Variants in IQSEC1 observed in about 807,000 individuals in gnomAD.
IQSEC1 encodes IQ motif and SEC7 domain-containing protein 1.
A neutral mutation model predicts 91.0 loss-of-function variants in IQSEC1; 31 were observed. The ratio of observed to expected loss-of-function variants is 0.34; its 90% CI spans 0.26 to 0.46. IQSEC1 has a LOEUF of 0.46. IQSEC1 is among the 20% of genes least tolerant of loss of function. The pLI is 1.00. For missense variants in IQSEC1, 1,388 were observed against 1,575.6 expected (o/e 0.88, Z 2.02); for synonymous variants, 699 against 662.6 (o/e 1.05, Z -0.84).
exon 2 of IQSEC1, among the ~76,000 whole-genome samples, chr3:13,164,127 T>C (rs185021017): frequency 6.6e-6 from 1 of 152,144 alleles, no homozygotes; most frequent in African/African-American, 2.4e-5. Flanking sequence ...AGCTTTCTCC[T>C]TCAGACCTGC....
chr3:12,923,570 GC>G (rs1358713130), intron 4 of IQSEC1, among the ~76,000 whole-genome samples: 21 of 152,342 alleles, frequency 1.4e-4, no homozygotes, highest in Middle Eastern at 3.4e-3. Flanking sequence ...CTACATGAGT[GC>G]CGTGTATGTG....
At chr3:12,973,883 C>T (rs1186333187) in intron 1 of IQSEC1, among the ~76,000 whole-genome samples, 2 of 152,132 alleles carry the variant, frequency 1.3e-5, no homozygotes, top group Admixed American at 1.3e-4. Context: ...GGGACACATC[C>T]AAGAACTGGT....
intron 1 of IQSEC1, among the ~76,000 whole-genome samples, chr3:13,191,545 G>A (rs975915663): frequency 4.4e-5 from 6 of 136,792 alleles, no homozygotes; most frequent in Middle Eastern, 4.8e-3. Context: ...CCATGTTGCC[G>A]AGGCTGGCCT....
intron 1 of IQSEC1, among the ~76,000 whole-genome samples, chr3:13,258,644 C>A (rs558630944): frequency 6.6e-6 from 1 of 152,080 alleles, no homozygotes; most frequent in East Asian, 1.9e-4. Context: ...TATGATTGTG[C>A]CACTGCAATC....
chr3:12,907,341 C>T (rs1695088084), intron 12 of IQSEC1, among the ~76,000 whole-genome samples: 1 of 152,136 alleles, frequency 6.6e-6, no homozygotes, highest in Non-Finnish European at 1.5e-5. Flanking sequence ...GGGAGGGAGT[C>T]CTAAGGTGGG....
chr3:13,129,505 G>A (rs567218639), intron 2 of IQSEC1, among the ~76,000 whole-genome samples: 14 of 151,926 alleles, frequency 9.2e-5, no homozygotes, highest in Admixed American at 1.3e-4. Flanking sequence ...ATTTTTCTTC[G>A]TCCTTTGGGT....
At chr3:13,180,557 T>G (rs1469054125) in intron 1 of IQSEC1, among the ~76,000 whole-genome samples, 1 of 152,114 alleles carries the variant, frequency 6.6e-6, no homozygotes, top group Non-Finnish European at 1.5e-5. Flanking sequence ...GAGCCAGCAG[T>G]GGCAACCCGC....
Position 12,901,225 on chromosome 3 carries a change from G to T in IQSEC1, c.3103C>A (p.Gln1035Lys). ...TGATGGTGGTACGGGGGAGGGTTCT[G>T]CATGTGGCAGTACTGGGTGTGATGC... ...HGHHTQYCHMQNPPPYHHHHH... is the reference protein window; with the variant it reads ...HGHHTQYCHMKNPPPYHHHHH... The change falls in exon 14 of 14, where the codon CAG becomes AAG. Residue 1035 changes from glutamine (Q) to lysine (K), a missense_variant. By Grantham distance (53) the Gln-to-Lys change is moderately conservative. Around this residue, in one of 2 missense-constraint regions of IQSEC1, gnomAD observed 329 missense variants for 257.8 expected, o/e 1.28. Coordinates refer to ENST00000613206, the MANE Select transcript of IQSEC1 (RefSeq NM_001134382.3). 6.5e-7 allele frequency: 1 copy of T among 1,548,354 alleles called. No individual in the cohort carries two copies. Among genetic ancestry groups the T allele is most frequent in the Non-Finnish European group, 8.7e-7 (1 of 1,146,192 alleles).
In IQSEC1 at chr3:12,908,365, C is replaced by G. The variant is rs1021026844; in HGVS notation, c.2739G>C (p.Arg913=). The change falls in exon 12 of 14, where the codon CGG becomes CGC. Residue 913 remains arginine (R), a synonymous_variant. Transcript: ENST00000613206. The surrounding 1 kb of genome is among the most constrained non-coding windows in gnomAD (Gnocchi z 4.9). ...AGCTCTTACCGGCTTCCGAGAGGTCCCGCAGGGAGCTGCTGAGGGCGCTGC... is the reference window on the plus strand; with the variant it reads ...AGCTCTTACCGGCTTCCGAGAGGTCGCGCAGGGAGCTGCTGAGGGCGCTGC... ...LKRSALSSSL[R]DLSEAGKRGR... The G allele has an allele frequency of 6.8e-6, 11 of 1,611,832 alleles. No homozygotes were observed. Among genetic ancestry groups the G allele is most frequent in the Non-Finnish European group, 8.5e-6 (10 of 1,180,020 alleles).
intron 2 of IQSEC1, among the ~76,000 whole-genome samples, chr3:13,092,109 G>A (rs372208992): frequency 4.5e-4 from 69 of 152,228 alleles, no homozygotes; most frequent in African/African-American, 1.6e-3. Context: ...GCCCTGCACT[G>A]TGCAGGGTCA....
rs538126216 is a variant in IQSEC1 at position 13,219,241 on chromosome 3, T to G, written c.273-55108A>C. Among the ~76,000 whole-genome samples, 19 of 152,290 alleles carry G rather than the reference T, an allele frequency of 1.2e-4. No homozygotes were observed. The South Asian group carries it at 3.9e-3, about 32-fold the overall frequency. On this transcript the variant is annotated intron_variant, in intron 1 of 15. Coordinates refer to the IQSEC1 transcript ENST00000648114. ...CATGCTTCCCCAGAGACAGGCTGCA[T>G]GGTGCTCCTGACACCTGCTCCCAAG...
chr3:13,059,617 T>C (rs1462903845), intron 1 of IQSEC1, among the ~76,000 whole-genome samples: 1 of 151,886 alleles, frequency 6.6e-6, no homozygotes, highest in African/African-American at 2.4e-5. Context: ...GCCAGTGTGG[T>C]GGTGGGTGCC....
Position 12,901,069 on chromosome 3 carries a change from T to G in IQSEC1, c.3259A>C (p.Thr1087Pro). 1 of 1,539,966 alleles carries G rather than the reference T, an allele frequency of 6.5e-7. No homozygotes were observed. The highest frequency in any genetic ancestry group is 8.7e-7 in the Non-Finnish European group (1 of 1,145,000). ...GGGGGCTGCCCATGGTGGTGCACTG[T>G]GTGCCCCACGTGGGCCGAGGGCAGC... Reference protein sequence around the residue: ...PPLPSAHVGHTVHHHGQPPAP... With the variant: ...PPLPSAHVGHPVHHHGQPPAP... Residue 1087 changes from threonine to proline, a missense_variant, in exon 14 of 14, where the codon ACA becomes CCA. Around this residue, in one of 2 missense-constraint regions of IQSEC1, gnomAD observed 329 missense variants for 257.8 expected, o/e 1.28. Transcript: ENST00000613206.
intron 1 of IQSEC1, among the ~76,000 whole-genome samples, chr3:13,190,300 C>T (rs1694000059): frequency 6.6e-6 from 1 of 152,192 alleles, no homozygotes; most frequent in Non-Finnish European, 1.5e-5. Flanking sequence ...GGGCCCGGCT[C>T]CTGGCTCACG....
intron 1 of IQSEC1, among the ~76,000 whole-genome samples, chr3:13,269,936 TCCAATCACAA>T (rs1695565528): frequency 6.6e-6 from 1 of 151,990 alleles, no homozygotes; most frequent in African/African-American, 2.4e-5. Context: ...ACTCCAGAGG[TCCAATCACAA>T]GAAGCCTCAC....
intron 1 of IQSEC1, among the ~76,000 whole-genome samples, chr3:12,990,233 C>T (rs1280540926): frequency 6.6e-6 from 1 of 152,166 alleles, no homozygotes; most frequent in Non-Finnish European, 1.5e-5. Context: ...CTAAAATGGT[C>T]CTGCAGGGCA....
At position 13,193,038 on chromosome 3, in the gene IQSEC1, T is replaced by C. The variant is rs1694063781; in HGVS notation, c.273-28905A>G. 6.6e-6 allele frequency among the ~76,000 whole-genome samples: 1 copy of C among 152,232 alleles called. No homozygotes were observed. The highest frequency in any genetic ancestry group is 1.5e-5 in the Non-Finnish European group (1 of 68,048). On this transcript the variant is annotated intron_variant, in intron 1 of 15. Coordinates refer to the IQSEC1 transcript ENST00000648114. This position sits in a 1 kb window ranked among gnomAD's most constrained non-coding sequence, Gnocchi z 4.2. ...GTGGGCGAAGGTCCAGTCCTGGCCA[T>C]GTAGCTGCATGCAGTGCATCCTCCA...
At chr3:13,063,240 C>A (rs181598829) in intron 1 of IQSEC1, among the ~76,000 whole-genome samples, 1 of 152,386 alleles carries the variant, frequency 6.6e-6, no homozygotes, top group African/African-American at 2.4e-5. Context: ...CCCAGCTTTC[C>A]TTCAACCAGT....
Position 12,979,812 on chromosome 3 carries a change from G to A in IQSEC1, c.24-37947C>T, listed in dbSNP as rs1351140029. Among the ~76,000 whole-genome samples the A allele has an allele frequency of 6.6e-6, 1 of 152,162 alleles. No homozygotes were observed. Among genetic ancestry groups the A allele is most frequent in the African/African-American group, 2.4e-5 (1 of 41,434 alleles). On this transcript the variant is annotated intron_variant, in intron 1 of 13. Coordinates refer to ENST00000613206, the MANE Select transcript of IQSEC1 (RefSeq NM_001134382.3). This position sits in a 1 kb window ranked among gnomAD's most constrained non-coding sequence, Gnocchi z 4.3. The stretch of plus-strand genomic sequence containing the variant: ...CTCCATGTCACCAAGAGCTGAGCCT[G>A]TGCCTCACCCGGAATCGTTTCGCGG...
Sources: allele counts gnomAD v4.1 joint callset (sites outside exome capture counted in the v4.1 genomes callset), GRCh38; gene constraint gnomAD v4.1.1; regional missense constraint gnomAD v4.1.1; non-coding constraint Gnocchi (gnomAD v3.1); transcripts MANE v1.5; gene names NCBI Gene and HGNC (gene_info 2026-07-23, HGNC 2026-07-21).